Variants in FERMT2 observed in about 807,000 individuals in gnomAD.
FERMT2 encodes the protein fermitin family homolog 2.
A neutral mutation model predicts 82.7 loss-of-function variants in FERMT2; 15 were observed. The observed-to-expected ratio is 0.18, with a 90% CI of 0.12 to 0.28. The LOEUF (loss-of-function observed/expected upper bound fraction) is 0.28, where lower values mean the gene tolerates loss of function less well. Ranked by LOEUF, FERMT2 falls within the 10% of genes least tolerant of loss-of-function variation. The probability of loss-of-function intolerance (pLI) is 1.00; values close to 1 mark genes in which losing one functional copy is unlikely to be tolerated. For synonymous variants in FERMT2, 274 were observed against 271.5 expected (o/e 1.01, Z -0.09); for missense variants, 645 against 809.4 (o/e 0.80, Z 2.46).
intron 3 of FERMT2, among the ~76,000 whole-genome samples, chr14:52,903,912 G>A (rs1887822952): frequency 1.3e-5 from 2 of 151,914 alleles, no homozygotes; most frequent in South Asian, 4.1e-4. Flanking sequence ...AGGATGTCTA[G>A]GAAGAAAAAA....
At chr14:52,858,625 C>CT in intron 14 of FERMT2, 75 bp from the exon 15 acceptor site, 1 of 1,369,538 alleles carries the variant, frequency 7.3e-7, no homozygotes, top group South Asian at 1.3e-5. Context: ...TACTGTGCTA[C>CT]TTAAAGTCTG....
At position 52,874,680 on chromosome 14, in the gene FERMT2, T is replaced by G. The variant is rs1323268574; in HGVS notation, c.1099-454A>C. On this transcript the variant is annotated intron_variant, in intron 8 of 14. Transcript: ENST00000341590. ...TCACTAAGTGGATTTTTACCATGACTTGAGATTATTTTCCTCTGCAGAAAT... is the reference window on the plus strand; with the variant it reads ...TCACTAAGTGGATTTTTACCATGACGTGAGATTATTTTCCTCTGCAGAAAT... Among the ~76,000 whole-genome samples the G allele has an allele frequency of 2.0e-5, 3 of 152,206 alleles. 1 individual carries two copies. Among genetic ancestry groups the G allele is most frequent in the Non-Finnish European group, 4.4e-5 (3 of 68,036 alleles).
intron 10 of FERMT2, among the ~76,000 whole-genome samples, chr14:52,869,246 T>A (rs779908034): frequency 8.5e-5 from 13 of 152,164 alleles, no homozygotes; most frequent in African/African-American, 3.1e-4. Context: ...ATTAAGAGTT[T>A]CAGGTAAATT....
rs368548158 is a variant in FERMT2 at position 52,881,024 on chromosome 14, A to G, written c.855+12T>C. The G allele has an allele frequency of 5.7e-6, 9 of 1,566,862 alleles. No homozygotes were observed. The African/African-American group carries it at 1.1e-4, about 19-fold the overall frequency. On this transcript the variant is annotated intron_variant, in intron 6 of 14. Transcript: ENST00000341590. Reference sequence around the variant, plus strand: ...TGGGGAAAAAAAAAAGATCCCTTTAAACCCTCGGTACCTTTGGATTCAAAT... The same window carrying G: ...TGGGGAAAAAAAAAAGATCCCTTTAGACCCTCGGTACCTTTGGATTCAAAT...
rs1890576433 is a variant in FERMT2, at chr14:52,950,448, T to G, written c.121A>C (p.Ile41Leu). Reference protein sequence around the residue: ...VTLRVTGEVHIGGVMLKLVEK... With the variant: ...VTLRVTGEVHLGGVMLKLVEK... ...ACCAGCTTAAGCATCACGCCTCCAATGTGCACCTCGCCGGTCACTCTCAGG... is the reference window on the plus strand; with the variant it reads ...ACCAGCTTAAGCATCACGCCTCCAAGGTGCACCTCGCCGGTCACTCTCAGG... Residue 41 changes from isoleucine to leucine, a missense_variant, in exon 2 of 15, where the codon ATT (isoleucine) becomes CTT (leucine). Coordinates refer to ENST00000341590, the MANE Select transcript of FERMT2 (RefSeq NM_006832.3). The G allele has an allele frequency of 6.2e-7, 1 of 1,613,646 alleles. No homozygotes were observed. Among genetic ancestry groups the G allele is most frequent in the African/African-American group, 1.3e-5 (1 of 74,866 alleles).
chr14:52,894,214 A>T (rs1196560077), intron 3 of FERMT2, among the ~76,000 whole-genome samples: 1 of 152,210 alleles, frequency 6.6e-6, no homozygotes, highest in Admixed American at 6.5e-5. Context: ...GAGGAGTCTG[A>T]TAACAAGGAA....
intron 1 of FERMT2, 81 bp from the exon 2 acceptor site, chr14:52,950,658 C>T: frequency 6.8e-7 from 1 of 1,461,376 alleles, no homozygotes; most frequent in Non-Finnish European, 9.4e-7. Context: ...CAGCGCCGGC[C>T]ACGGGCTGGG....
chr14:52,937,963 T>C (rs1005573578), intron 2 of FERMT2, among the ~76,000 whole-genome samples: 1 of 152,232 alleles, frequency 6.6e-6, no homozygotes, highest in Non-Finnish European at 1.5e-5. Flanking sequence ...TGCCAAGAAC[T>C]GCTCTAAGTG....
At chr14:52,912,448 G>A (rs1050922464) in intron 3 of FERMT2, among the ~76,000 whole-genome samples, 18 of 151,772 alleles carry the variant, frequency 1.2e-4, no homozygotes, top group Admixed American at 2.6e-4. Flanking sequence ...ACTGTTTAGA[G>A]GAAATATAAT....
chr14:52,919,013 T>C (rs1888786604), intron 3 of FERMT2, 110 bp downstream of exon 3: 4 of 690,808 alleles, frequency 5.8e-6, no homozygotes, highest in East Asian at 5.4e-5. Flanking sequence ...CACATACATA[T>C]ATACAGATAG....
At chr14:52,922,982 G>A (rs1029282511) in intron 2 of FERMT2, among the ~76,000 whole-genome samples, 4 of 152,112 alleles carry the variant, frequency 2.6e-5, no homozygotes, top group Admixed American at 6.6e-5. Context: ...TAGGTTATAT[G>A]GTATGGCCTC....
intron 12 of FERMT2, 25 bp downstream of exon 12, chr14:52,864,376 A>G: frequency 6.5e-7 from 1 of 1,531,222 alleles, no homozygotes; most frequent in Non-Finnish European, 9.0e-7. Context: ...CCAGCACAGT[A>G]GATGAAGTAA....
At chr14:52,908,832 T>C (rs1322315120) in intron 3 of FERMT2, among the ~76,000 whole-genome samples, 1 of 152,180 alleles carries the variant, frequency 6.6e-6, no homozygotes, top group Non-Finnish European at 1.5e-5. Context: ...GCCCCTTGGG[T>C]CCTCAATAAA....
intron 3 of FERMT2, among the ~76,000 whole-genome samples, chr14:52,917,833 C>G (rs1888701118): frequency 6.6e-6 from 1 of 152,198 alleles, no homozygotes; most frequent in Non-Finnish European, 1.5e-5. Flanking sequence ...TCCAAGCCTA[C>G]AGGCATAAGC....
At chr14:52,888,744 A>C (rs574896428) in intron 4 of FERMT2, among the ~76,000 whole-genome samples, 107 of 152,310 alleles carry the variant, frequency 7.0e-4, no homozygotes, top group African/African-American at 2.5e-3. Context: ...CTAACTCTCT[A>C]AGACTTATAG....
rs1886832864 is a variant in FERMT2, at chr14:52,889,879, A to C, written c.526+3414T>G. ...GGTGTTGGCTCATGCTTGTAATCGC[A>C]ACACTTTGGGAGGCCAAGGTGGGTG... On this transcript the variant is annotated intron_variant, in intron 4 of 14. Coordinates refer to ENST00000341590, the MANE Select transcript of FERMT2 (RefSeq NM_006832.3). Among the ~76,000 whole-genome samples the C allele has an allele frequency of 2.0e-5, 3 of 152,198 alleles. No individual in the cohort carries two copies. The South Asian group carries it at 6.2e-4, about 31-fold the overall frequency.
intron 2 of FERMT2, among the ~76,000 whole-genome samples, chr14:52,946,702 G>A (rs965235710): frequency 4.0e-5 from 6 of 151,350 alleles, no homozygotes; most frequent in African/African-American, 7.3e-5. Flanking sequence ...TTTTTGAGGC[G>A]GAGTCTTGCT....
intron 2 of FERMT2, among the ~76,000 whole-genome samples, chr14:52,943,886 C>T (rs936883111): frequency 7.2e-5 from 11 of 152,034 alleles, no homozygotes; most frequent in African/African-American, 9.7e-5. Flanking sequence ...CAATAGCGAG[C>T]GATTAGACAT....
chr14:52,914,252 CCCAG>C (rs1239986560), intron 3 of FERMT2, among the ~76,000 whole-genome samples: 1 of 151,858 alleles, frequency 6.6e-6, no homozygotes, highest in Non-Finnish European at 1.5e-5. Context: ...TGCCTGTGGT[CCCAG>C]CTACTTGGGA....
Sources: allele counts gnomAD v4.1 joint callset (sites outside exome capture counted in the v4.1 genomes callset), GRCh38; gene constraint gnomAD v4.1.1; transcripts MANE v1.5; gene names NCBI Gene and HGNC (gene_info 2026-07-23, HGNC 2026-07-21).